Variants in LRRC7 observed in about 807,000 individuals in gnomAD.
LRRC7 encodes leucine-rich repeat-containing protein 7.
In LRRC7, 23 loss-of-function variants were observed where a neutral mutation model predicts 175.7. The observed-to-expected ratio is 0.13, with a 90% CI of 0.09 to 0.19. LRRC7 has a LOEUF of 0.19. Among genes scored for constraint, LRRC7 ranks in the 10% least tolerant of loss-of-function variants. The pLI is 1.00. For synonymous variants in LRRC7, 685 were observed against 680.9 expected, an observed-to-expected ratio of 1.01 and a Z score of -0.09; for missense variants, 1,354 against 1,904.7, an observed-to-expected ratio of 0.71 and a Z score of 5.38.
At chr1:69,688,630 GGT>G (rs1661473476) in intron 2 of LRRC7, among the ~76,000 whole-genome samples, 1 of 128,358 alleles carries the variant, frequency 7.8e-6, no homozygotes, top group African/African-American at 3.1e-5. Context: ...TTCTTTTTAT[GGT>G]TTTTTTTTTT....
At chr1:69,717,814 GAAAGAAAGAAAGAAAGAAAGAAAGAAA>G (rs1557640860) in intron 2 of LRRC7, among the ~76,000 whole-genome samples, 8 of 25,400 alleles carry the variant, frequency 3.1e-4, no homozygotes, top group African/African-American at 1.8e-3. Flanking sequence ...AAGAAAGAAA[GAAAGAAAGAAAGAAAGAAAGAAAGAAA>G]AAAGAAAGAA....
chr1:69,792,295 A>G lies in LRRC7; in HGVS notation c.421+135A>G. 1.7e-5 allele frequency: 10 copies of G among 584,642 alleles called. No homozygotes were observed. The South Asian group carries it at 2.1e-4, about 12-fold the overall frequency. 36.2% of individuals were successfully genotyped at this position (584,642 alleles called of 1,614,324 possible). On this transcript the variant is annotated intron_variant, in intron 4 of 26. Transcript: ENST00000651989. Reference sequence around the variant, plus strand: ...CAACTGTAGTTTAATGCTCTTGTAAAGTTAAATCCTAAATTTTAAGTCCAA... The same window carrying G: ...CAACTGTAGTTTAATGCTCTTGTAAGGTTAAATCCTAAATTTTAAGTCCAA...
intron 18 of LRRC7, among the ~76,000 whole-genome samples, chr1:70,031,543 C>T (rs185190587): frequency 6.6e-6 from 1 of 152,248 alleles, no homozygotes; most frequent in Admixed American, 6.5e-5. Context: ...TTATGCCCTA[C>T]TTTGTGGTCA....
chr1:70,031,826 G>T (rs1658761948), intron 18 of LRRC7, among the ~76,000 whole-genome samples: 1 of 149,980 alleles, frequency 6.7e-6, no homozygotes, highest in Admixed American at 6.7e-5. Flanking sequence ...TTGAGACGGA[G>T]TCTCGCTCTG....
intron 2 of LRRC7, among the ~76,000 whole-genome samples, chr1:69,710,293 A>AG (rs1357005528): frequency 3.3e-5 from 5 of 151,026 alleles, no homozygotes; most frequent in Non-Finnish European, 5.9e-5. Flanking sequence ...AAAAAAAAAA[A>AG]AAAAAGAAAG....
At chr1:70,118,092 C>T (rs74085938) in intron 26 of LRRC7, among the ~76,000 whole-genome samples, 18,580 of 150,696 alleles carry the variant, frequency 0.12, 1,517 homozygotes, top group African/African-American at 0.23. Context: ...CACACACACA[C>T]GCACACGAAC....
intron 16 of LRRC7, among the ~76,000 whole-genome samples, chr1:70,021,964 C>T (rs943196004): frequency 2.0e-5 from 3 of 152,114 alleles, no homozygotes; most frequent in African/African-American, 7.2e-5. Flanking sequence ...TTTATAATTG[C>T]ATATGTGTTC....
At chr1:70,103,997 T>C (rs913936462) in intron 25 of LRRC7, among the ~76,000 whole-genome samples, 1 of 152,234 alleles carries the variant, frequency 6.6e-6, no homozygotes, top group Non-Finnish European at 1.5e-5. Flanking sequence ...CATTTAGCAT[T>C]CTGCCAAATG....
At chr1:69,731,956 C>CA (rs2100820771) in intron 2 of LRRC7, among the ~76,000 whole-genome samples, 1 of 152,054 alleles carries the variant, frequency 6.6e-6, no homozygotes, top group South Asian at 2.1e-4. Flanking sequence ...CCTTATAGAA[C>CA]AAAAATAACA....
chr1:69,612,221 AT>A (rs1329288421), intron 1 of LRRC7, among the ~76,000 whole-genome samples: 1 of 152,072 alleles, frequency 6.6e-6, no homozygotes. Context: ...ATAAAATAGT[AT>A]ACTATATATT....
intron 1 of LRRC7, among the ~76,000 whole-genome samples, chr1:69,582,973 A>G (rs1038009336): frequency 2.6e-5 from 4 of 152,278 alleles, no homozygotes; most frequent in African/African-American, 9.6e-5. Flanking sequence ...GAAAAATAAC[A>G]TTCATATTAA....
intron 22 of LRRC7, among the ~76,000 whole-genome samples, chr1:70,045,749 G>T (rs1403762620): frequency 1.3e-5 from 2 of 152,140 alleles, no homozygotes; most frequent in Non-Finnish European, 2.9e-5. Flanking sequence ...CCACATGGCT[G>T]GGGGAGCCTC....
intron 8 of LRRC7, among the ~76,000 whole-genome samples, chr1:69,942,745 C>G (rs372196803): frequency 3.9e-5 from 6 of 152,068 alleles, no homozygotes; most frequent in Non-Finnish European, 8.8e-5. Context: ...CCAGGATAAT[C>G]TCTCCATCTC....
chr1:69,870,366 A>C lies in LRRC7; in HGVS notation c.647+32083A>C, dbSNP rs1323955936. On this transcript the variant is annotated intron_variant, in intron 7 of 26. Transcript: ENST00000651989. ...AATAATGCCAAAGAAGAAAAGGGAAAATTTAGCAAACCAGGTCCTTCATAG... is the reference window on the plus strand; with the variant it reads ...AATAATGCCAAAGAAGAAAAGGGAACATTTAGCAAACCAGGTCCTTCATAG... Among the ~76,000 whole-genome samples, 4 of 152,046 alleles carry C rather than the reference A, an allele frequency of 2.6e-5. No individual in the cohort carries two copies. In the East Asian group the frequency reaches 7.7e-4, roughly 29 times the overall value.
intron 8 of LRRC7, among the ~76,000 whole-genome samples, chr1:69,956,818 C>T (rs1428526687): frequency 6.6e-6 from 1 of 151,200 alleles, no homozygotes; most frequent in African/African-American, 2.4e-5. Context: ...TTAAAATAAT[C>T]CATCGAACTC....
intron 22 of LRRC7, among the ~76,000 whole-genome samples, chr1:70,044,879 C>G (rs1268129640): frequency 6.6e-6 from 1 of 151,904 alleles, no homozygotes; most frequent in African/African-American, 2.4e-5. Flanking sequence ...TGTCATTATG[C>G]CTATATATTT....
At chr1:69,761,798 A>G (rs1022970831) in intron 3 of LRRC7, among the ~76,000 whole-genome samples, 3 of 152,038 alleles carry the variant, frequency 2.0e-5, no homozygotes, top group African/African-American at 7.2e-5. Context: ...TTCACATAAT[A>G]GATACTGAGT....
intron 7 of LRRC7, chr1:69,919,986 G>A: frequency 1.9e-6 from 1 of 516,060 alleles, no homozygotes; most frequent in South Asian, 2.4e-5. Flanking sequence ...GGCCCTTCCA[G>A]ACTGGGGGCC....
intron 8 of LRRC7, among the ~76,000 whole-genome samples, chr1:69,955,532 A>G (rs947299620): frequency 6.6e-6 from 1 of 151,944 alleles, no homozygotes; most frequent in Non-Finnish European, 1.5e-5. Context: ...GCTAGGGTGA[A>G]AGTGTGTAAA....
Sources: gnomAD v4.1 joint callset for allele counts (sites outside exome capture counted in the v4.1 genomes callset) on GRCh38, gnomAD v4.1.1 for gene constraint, MANE v1.5 for transcripts, NCBI Gene and HGNC (gene_info 2026-07-23, HGNC 2026-07-21) for gene names.